The following ATCAY variants were observed in gnomAD, a reference collection of about 807,000 sequenced individuals.
ATCAY encodes caytaxin.
Under a neutral mutation model 47.7 loss-of-function variants are expected in ATCAY, and 22 were observed. That is an observed-to-expected ratio of 0.46 (90% CI 0.33 to 0.66). The LOEUF is 0.66. Among genes scored for constraint, ATCAY ranks in the 30% least tolerant of loss-of-function variants. ATCAY has a pLI of 0.02. For missense variants in ATCAY, 452 were observed against 515.0 expected (o/e 0.88, Z 1.18); for synonymous variants, 216 against 207.6 (o/e 1.04, Z -0.35).
chr19:3,918,966 C>T, intron 11 of ATCAY, 89 bp downstream of exon 11: 1 of 1,490,464 alleles, frequency 6.7e-7, no homozygotes, highest in Non-Finnish European at 9.3e-7. Context: ...AAGATGGGTC[C>T]TTGTTCAGGG....
chr19:3,909,731 T>C, intron 7 of ATCAY, 114 bp downstream of exon 7: 1 of 1,429,640 alleles, frequency 7.0e-7, no homozygotes. Context: ...GGTGGGAAGG[T>C]CCCTTGAGCC....
At chr19:3,917,645 G>T in intron 9 of ATCAY, 97 bp from the exon 10 acceptor site, 1 of 916,336 alleles carries the variant, frequency 1.1e-6, no homozygotes, top group Non-Finnish European at 1.7e-6. Context: ...AGAAAAAAGA[G>T]AGCTTGTTTC....
chr19:3,903,311 T>A (rs77893592), intron 3 of ATCAY, among the ~76,000 whole-genome samples: 8,332 of 151,870 alleles, frequency 0.055, 340 homozygotes, highest in South Asian at 0.2. Context: ...TCATAATGTA[T>A]CAGGCTCTGA....
chr19:3,888,109 G>T (rs10409824), intron 2 of ATCAY, among the ~76,000 whole-genome samples: 86 of 144,850 alleles, frequency 5.9e-4, no homozygotes, highest in African/African-American at 2.1e-3. Context: ...GTGAGACTCC[G>T]TCTCAAAAAA....
intron 9 of ATCAY, among the ~76,000 whole-genome samples, 156 bp downstream of exon 9, chr19:3,914,012 G>A (rs529299049): frequency 0.019 from 2,888 of 151,950 alleles, 41 homozygotes; most frequent in Middle Eastern, 0.034. Context: ...TGAGGCGGGC[G>A]GATCACGAGG....
chr19:3,919,318 G>T (rs1469595275), intron 11 of ATCAY, among the ~76,000 whole-genome samples: 1 of 148,706 alleles, frequency 6.7e-6, no homozygotes, highest in Admixed American at 6.7e-5. Context: ...TATCGGCCGG[G>T]TGTGGTGGCT....
intron 1 of ATCAY, among the ~76,000 whole-genome samples, chr19:3,881,864 C>CCT (rs2038603021): frequency 8.0e-6 from 1 of 124,600 alleles, no homozygotes; most frequent in African/African-American, 3.9e-5. Flanking sequence ...GCTGCTGCCA[C>CCT]CGCCCCCCCC....
In ATCAY at chr19:3,905,624, C is replaced by G; in HGVS notation, c.327C>G (p.Phe109Leu). 2.5e-6 allele frequency: 4 copies of G among 1,613,630 alleles called. No homozygotes were observed. Among genetic ancestry groups the G allele is most frequent in the African/African-American group, 1.3e-5 (1 of 74,960 alleles). ...ETPDETDSLE[F>L]LGNGNELEWE... ...CCGATGAGACCGACTCGCTGGAGTT[C>G]CTGGGGAATGGCAACGAACTGGAGT... Residue 109 changes from phenylalanine (F) to leucine (L), a missense_variant, in exon 4 of 13, where the codon TTC (phenylalanine) becomes TTG (leucine). Physicochemically the swap from Phe to Leu is conservative, Grantham distance 22. Coordinates refer to ENST00000450849, the MANE Select transcript of ATCAY (RefSeq NM_033064.5).
At chr19:3,924,507 TTACATA>T in intron 12 of ATCAY, 70 bp from the exon 13 acceptor site, 1 of 1,565,578 alleles carries the variant, frequency 6.4e-7, no homozygotes, top group South Asian at 1.1e-5. Context: ...TTGTTTTGGA[TTACATA>T]CATGTAGAAG....
At chr19:3,899,905 C>T (rs1247616434) in intron 2 of ATCAY, among the ~76,000 whole-genome samples, 3 of 152,104 alleles carry the variant, frequency 2.0e-5, no homozygotes, top group Admixed American at 6.6e-5. Context: ...TGCGGTGGCT[C>T]ATGCTGTAAT....
intron 10 of ATCAY, 114 bp downstream of exon 10, chr19:3,917,891 A>G (rs2038980048): frequency 1.7e-6 from 2 of 1,180,046 alleles, no homozygotes; most frequent in African/African-American, 1.5e-5. Context: ...TGTCCTGTGC[A>G]GGGCTCAAGA....
intron 12 of ATCAY, among the ~76,000 whole-genome samples, chr19:3,924,153 C>G (rs1167769417): frequency 7.3e-6 from 1 of 136,768 alleles, no homozygotes; most frequent in Non-Finnish European, 1.6e-5. Context: ...GGTGGATGGA[C>G]GGATGAGTGA....
chr19:3,907,800 C>T lies in ATCAY; in HGVS notation c.425C>T (p.Thr142Met), dbSNP rs369886984. The T allele has an allele frequency of 1.2e-5, 19 of 1,613,846 alleles. No individual in the cohort carries two copies. Among genetic ancestry groups the T allele is most frequent in the African/African-American group, 8.0e-5 (6 of 74,938 alleles). Residue 142 changes from threonine to methionine, a missense_variant, in exon 5 of 13, where the codon ACG becomes ATG. Coordinates refer to ENST00000450849, the MANE Select transcript of ATCAY (RefSeq NM_033064.5). The surrounding 1 kb of genome is among the most constrained non-coding windows in gnomAD (Gnocchi z 5.1). ...AGCGCGGATCTATTTGGGGACGGCA[C>T]GACGGAGGACGGCAGCGCCGCCAAC... is the stretch of plus-strand genomic sequence containing the variant. ...GDSADLFGDG[T>M]TEDGSAANGR...
chr19:3,916,517 G>T (rs763936229), intron 9 of ATCAY, among the ~76,000 whole-genome samples: 1 of 151,942 alleles, frequency 6.6e-6, no homozygotes, highest in Non-Finnish European at 1.5e-5. Flanking sequence ...TTTTTGAGAC[G>T]GAGTCTCACT....
intron 2 of ATCAY, among the ~76,000 whole-genome samples, chr19:3,897,673 C>T (rs981402770): frequency 2.0e-5 from 3 of 151,908 alleles, no homozygotes; most frequent in Non-Finnish European, 4.4e-5. Context: ...TTTGGGAGGC[C>T]GAGGCAGGTG....
chr19:3,922,356 G>A (rs745850749), intron 12 of ATCAY: 13 of 621,724 alleles, frequency 2.1e-5, no homozygotes, highest in African/African-American at 5.5e-5. Flanking sequence ...TAATCCTGGC[G>A]GAAGCCACCT....
chr19:3,895,573 G>A (rs535768235), intron 2 of ATCAY, among the ~76,000 whole-genome samples: 16 of 152,140 alleles, frequency 1.1e-4, no homozygotes, highest in East Asian at 3.9e-4. Flanking sequence ...ACCCAGACTC[G>A]TAGCGCTGGA....
chr19:3,913,057 G>A (rs1174074687), intron 8 of ATCAY, among the ~76,000 whole-genome samples: 4 of 152,136 alleles, frequency 2.6e-5, no homozygotes, highest in Non-Finnish European at 5.9e-5. Flanking sequence ...GGAGTTAGAG[G>A]CAGGCAGATC....
At chr19:3,918,051 T>C (rs1330047637) in intron 10 of ATCAY, among the ~76,000 whole-genome samples, 1 of 152,102 alleles carries the variant, frequency 6.6e-6, no homozygotes, top group African/African-American at 2.4e-5. Context: ...CAAAAAAGGT[T>C]GAGCACAGAC....
Sources: gnomAD v4.1 joint callset for allele counts (sites outside exome capture counted in the v4.1 genomes callset) on GRCh38, gnomAD v4.1.1 for gene constraint, Gnocchi (gnomAD v3.1) non-coding constraint, MANE v1.5 for transcripts, NCBI Gene and HGNC (gene_info 2026-07-23, HGNC 2026-07-21) for gene names.